The following XRCC3 variants were observed in gnomAD, a reference collection of about 807,000 sequenced individuals.
The protein encoded by XRCC3 is X-ray repair cross complementing 3, also known as DNA repair protein XRCC3.
XRCC3 carries 34 observed loss-of-function variants against 29.2 expected under a neutral mutation model. The ratio of observed to expected loss-of-function variants is 1.16; its 90% confidence interval spans 0.88 to 1.55. The LOEUF is 1.55. XRCC3 is among the 40% of genes most tolerant of loss of function. The pLI is 0.00. For synonymous variants in XRCC3, 223 were observed against 211.3 expected, an observed-to-expected ratio of 1.06 and a Z score of -0.48; for missense variants, 463 against 467.6, an observed-to-expected ratio of 0.99 and a Z score of 0.09.
intron 7 of XRCC3, chr14:103,702,198 G>C: frequency 6.6e-6 from 1 of 152,504 alleles, no homozygotes; most frequent in Non-Finnish European, 1.5e-5. Flanking sequence ...CCGGTGAGTG[G>C]CCCCTGCTCT....
At position 103,703,257 on chromosome 14, in the gene XRCC3, C is replaced by A. The variant is rs755779950; in HGVS notation, c.477G>T (p.Pro159=). ...CTCCTGGAACGTCAGTGCGCAGCCG[C>A]GGCTGCTGGGCCATGAGCTGCTGCA... ...KRLQQLMAQQ[P]RLRTDVPGEL... is the part of the protein sequence containing the mutation. The change falls in exon 7 of 10, where the codon CCG becomes CCT. Residue 159 remains proline (P), a synonymous_variant. Transcript: ENST00000555055. 6.4e-7 allele frequency: 1 copy of A among 1,561,336 alleles called. No individual in the cohort carries two copies. The highest frequency in any genetic ancestry group is 1.2e-5 in the South Asian group (1 of 85,434).
Position 103,699,445 on chromosome 14 carries a change from C to T in XRCC3, c.693G>A (p.Arg231=). The part of the protein sequence containing the change: ...CEFDSQASAP[R]ARHLQSLGAT... ...CCCCCAGGGACTGCAGATGCCTGGCCCTGGGGGCGGAGGCCTGGCTGTCAA... is the reference window on the plus strand; with the variant it reads ...CCCCCAGGGACTGCAGATGCCTGGCTCTGGGGGCGGAGGCCTGGCTGTCAA... Residue 231 remains arginine, a synonymous_variant, in exon 8 of 10, where the codon AGG becomes AGA. Transcript: ENST00000555055. 6.2e-7 allele frequency: 1 copy of T among 1,612,926 alleles called. No homozygotes were observed. Among genetic ancestry groups the T allele is most frequent in the Non-Finnish European group, 8.5e-7 (1 of 1,179,954 alleles).
chr14:103,700,410 G>A (rs548607752), intron 7 of XRCC3: 49 of 448,628 alleles, frequency 1.1e-4, no homozygotes, highest in African/African-American at 1.9e-4. Flanking sequence ...GCCTCTGACC[G>A]CACAGCTTGG....
chr14:103,700,059 G>A (rs1310243562), intron 7 of XRCC3: 1 of 238,742 alleles, frequency 4.2e-6, no homozygotes. Context: ...CTCTTCAGAC[G>A]CTCAGCAAGG....
At position 103,699,282 on chromosome 14, in the gene XRCC3, C is replaced by T. The variant is rs45475405; in HGVS notation, c.774+82G>A. ...AGCCGGAGGCCACCTCACTGCCACC[C>T]GCCCCACCTCCAGACCGGCTCTGCT... On this transcript the variant is annotated intron_variant, in intron 8 of 9. Coordinates refer to ENST00000555055, the MANE Select transcript of XRCC3 (RefSeq NM_005432.4). 383 of 1,541,486 alleles carry T rather than the reference C, an allele frequency of 2.5e-4. 1 individual carries two copies. In the African/African-American group the frequency reaches 4.7e-3, roughly 19 times the overall value.
intron 7 of XRCC3, chr14:103,700,035 G>A (rs1343344157): frequency 1.1e-5 from 3 of 269,302 alleles, no homozygotes; most frequent in Admixed American, 4.8e-5. Flanking sequence ...AAGCCAGCCC[G>A]TGGTGGCCAT....
intron 7 of XRCC3, chr14:103,700,088 C>A (rs1022072960): frequency 3.1e-5 from 7 of 222,548 alleles, no homozygotes; most frequent in African/African-American, 1.6e-4. Flanking sequence ...TGATGCCCTT[C>A]AGGCGTTACT....
At chr14:103,711,353 C>T (rs1459444853) in intron 3 of XRCC3, 108 bp from the exon 4 acceptor site, 1 of 654,984 alleles carries the variant, frequency 1.5e-6, no homozygotes, top group East Asian at 3.0e-5. Flanking sequence ...AGAACCCATT[C>T]CAGACACTGA....
chr14:103,701,071 CA>C, intron 7 of XRCC3: 1 of 1,183,308 alleles, frequency 8.5e-7, no homozygotes, highest in Non-Finnish European at 1.2e-6. Flanking sequence ...GGGAGGCTCA[CA>C]ACCAGCAACA....
At chr14:103,710,925 A>C (rs541466405) in intron 4 of XRCC3, 108 bp downstream of exon 4, 9 of 1,081,816 alleles carry the variant, frequency 8.3e-6, no homozygotes, top group Non-Finnish European at 1.3e-5. Flanking sequence ...TTTAATAATC[A>C]GGGTAGGCAA....
intron 4 of XRCC3, 73 bp downstream of exon 4, chr14:103,710,960 C>T (rs373587799): frequency 2.2e-4 from 327 of 1,505,508 alleles, no homozygotes; most frequent in Middle Eastern, 8.5e-4. Flanking sequence ...AGCCAGCCAG[C>T]GTTTTGTTAA....
At position 103,698,675 on chromosome 14, in the gene XRCC3, C is replaced by A; in HGVS notation, c.*123G>T. ...CGGATGAGAAAGTGGAGCCGCTGCCCTGGAAGAGCTGTGTCTGAACCAGGC... is the reference window on the plus strand; with the variant it reads ...CGGATGAGAAAGTGGAGCCGCTGCCATGGAAGAGCTGTGTCTGAACCAGGC... On this transcript the variant is annotated 3_prime_UTR_variant, in exon 10 of 10. Transcript: ENST00000555055. The A allele has an allele frequency of 1.1e-6, 1 of 882,506 alleles. No homozygotes were observed. Among genetic ancestry groups the A allele is most frequent in the Non-Finnish European group, 1.8e-6 (1 of 551,676 alleles). The allele number at this position is 882,506 out of a possible 1,614,324, so 54.7% of individuals were successfully genotyped here. A position where few individuals can be genotyped will look rare whatever the true frequency, so the allele number is the denominator to read the frequency against.
chr14:103,710,991 C>T lies in XRCC3; in HGVS notation c.55+42G>A, dbSNP rs751777770. On this transcript the variant is annotated intron_variant, in intron 4 of 9. Transcript: ENST00000555055. ...GTTAACCTGCCTTATATAAACTGCA[C>T]ACACCCACCCACACCCTTTATGTAA... 7 of 1,603,948 alleles carry T rather than the reference C, an allele frequency of 4.4e-6. No individual in the cohort carries two copies. The South Asian group carries it at 4.4e-5, about 10-fold the overall frequency.
Position 103,711,578 on chromosome 14 carries a change from TGG to T in XRCC3, c.-260-13_-260-12del, listed in dbSNP as rs1303357879. Reference sequence around the variant, plus strand: ...GTCTCCCTGGGGACTCTGGAAAGAGTGGGAAGGTGAGTCTGGGATTGGCAGGG... The same window carrying T: ...GTCTCCCTGGGGACTCTGGAAAGAGTGAAGGTGAGTCTGGGATTGGCAGGG... On this transcript the variant is annotated splice_polypyrimidine_tract_variant and intron_variant, in intron 2 of 9. Coordinates refer to ENST00000555055, the MANE Select transcript of XRCC3 (RefSeq NM_005432.4). The T allele has an allele frequency of 2.2e-6, 1 of 456,152 alleles. No individual in the cohort carries two copies. The highest frequency in any genetic ancestry group is 6.9e-5 in the East Asian group (1 of 14,428). 28.3% of individuals were successfully genotyped at this position (456,152 alleles called of 1,614,324 possible).
At chr14:103,700,653 A>G (rs1454190577) in intron 7 of XRCC3, 2 of 1,606,434 alleles carry the variant, frequency 1.2e-6, no homozygotes, top group African/African-American at 2.7e-5. Flanking sequence ...CTTCATCTCC[A>G]GGGCGTCTCT....
intron 1 of XRCC3, chr14:103,714,059 C>T (rs1337875179): frequency 6.6e-6 from 1 of 152,266 alleles, no homozygotes; most frequent in South Asian, 2.1e-4. Context: ...CAGGGGCCCG[C>T]TCCATCCCAG....
intron 5 of XRCC3, 59 bp downstream of exon 5, chr14:103,708,463 T>A: frequency 6.2e-7 from 1 of 1,609,512 alleles, no homozygotes; most frequent in Non-Finnish European, 8.5e-7. Flanking sequence ...CCTGCACCAC[T>A]GGGACCATGA....
chr14:103,701,082 A>C, intron 7 of XRCC3: 1 of 1,271,386 alleles, frequency 7.9e-7, no homozygotes. Context: ...AACCAGCAAC[A>C]CCCTCTTCTC....
chr14:103,707,593 G>C (rs1371782237), intron 5 of XRCC3: 1 of 369,782 alleles, frequency 2.7e-6, no homozygotes, highest in Admixed American at 4.0e-5. Context: ...GTGCTGAACA[G>C]TTCTCAAGCG....
Sources: allele counts gnomAD v4.1 joint callset, GRCh38; gene constraint gnomAD v4.1.1; transcripts MANE v1.5; gene names NCBI Gene and HGNC (gene_info 2026-07-23, HGNC 2026-07-21).